Variants in UBE2H observed in about 807,000 individuals in gnomAD.
The protein encoded by UBE2H is ubiquitin-conjugating enzyme E2 H.
UBE2H carries 3 observed loss-of-function variants against 29.0 expected under a neutral mutation model. That is an observed-to-expected ratio of 0.10 (90% CI 0.05 to 0.27). UBE2H has a LOEUF of 0.27. Among genes scored for constraint, UBE2H ranks in the 10% least tolerant of loss-of-function variants. The pLI is 1.00. For missense variants in UBE2H, 68 were observed against 228.2 expected (o/e 0.30, Z 4.52); for synonymous variants, 69 against 82.9 (o/e 0.83, Z 0.91).
At chr7:129,853,162 T>C (rs1805641591) in intron 5 of UBE2H, among the ~76,000 whole-genome samples, 1 of 152,164 alleles carries the variant, frequency 6.6e-6, no homozygotes, top group Admixed American at 6.5e-5. Context: ...AGATTAAAGC[T>C]GTATCGCAGT....
intron 1 of UBE2H, among the ~76,000 whole-genome samples, chr7:129,914,922 T>C (rs1807013613): frequency 6.6e-6 from 1 of 152,164 alleles, no homozygotes; most frequent in Non-Finnish European, 1.5e-5. Flanking sequence ...CTGAGGAAGA[T>C]ATTTAAAGTG....
intron 3 of UBE2H, 41 bp downstream of exon 3, chr7:129,879,527 T>C (rs1563031886): frequency 1.3e-6 from 2 of 1,560,408 alleles, no homozygotes; most frequent in Non-Finnish European, 1.8e-6. Context: ...CCCCCTTAGA[T>C]TTCAAAACTC....
intron 1 of UBE2H, among the ~76,000 whole-genome samples, chr7:129,903,368 C>T (rs1015267016): frequency 1.3e-5 from 2 of 152,204 alleles, no homozygotes; most frequent in Non-Finnish European, 2.9e-5. Context: ...ACAGAAAACT[C>T]TCAATATAGC....
intron 3 of UBE2H, among the ~76,000 whole-genome samples, chr7:129,878,582 C>G (rs560767465): frequency 6.7e-6 from 1 of 148,380 alleles, no homozygotes; most frequent in African/African-American, 2.5e-5. Flanking sequence ...ACTCGGGAGG[C>G]TGAGGCAGAA....
chr7:129,916,933 A>G (rs1807055627), intron 1 of UBE2H, among the ~76,000 whole-genome samples: 1 of 151,022 alleles, frequency 6.6e-6, no homozygotes, highest in South Asian at 2.1e-4. Flanking sequence ...GCTACTCTGG[A>G]GGCTGAGGCA....
Position 129,865,980 on chromosome 7 carries a change from C to G in UBE2H, c.206-7039G>C, listed in dbSNP as rs188480176. 1.9e-3 allele frequency among the ~76,000 whole-genome samples: 285 copies of G among 152,262 alleles called. 3 individuals carry two copies. The Middle Eastern group carries it at 0.024, about 13-fold the overall frequency. ...TGCTGCCAGCTCCACTAGTGACAGACATTGGCCAGCTATGTGCAGGAGTCC... is the reference window on the plus strand; with the variant it reads ...TGCTGCCAGCTCCACTAGTGACAGAGATTGGCCAGCTATGTGCAGGAGTCC... On this transcript the variant is annotated intron_variant, in intron 3 of 6. Transcript: ENST00000355621.
intron 1 of UBE2H, among the ~76,000 whole-genome samples, chr7:129,941,187 G>A (rs558935840): frequency 1.3e-5 from 2 of 151,800 alleles, no homozygotes; most frequent in South Asian, 4.2e-4. Context: ...TCGAACTCCT[G>A]AGTTCAAGCA....
chr7:129,938,219 T>C (rs902303241), intron 1 of UBE2H, among the ~76,000 whole-genome samples: 1 of 151,836 alleles, frequency 6.6e-6, no homozygotes, highest in African/African-American at 2.4e-5. Flanking sequence ...AAGAACAGCC[T>C]GGGCAACATG....
At chr7:129,865,497 T>C (rs1438426033) in intron 3 of UBE2H, among the ~76,000 whole-genome samples, 1 of 152,196 alleles carries the variant, frequency 6.6e-6, no homozygotes, top group East Asian at 1.9e-4. Flanking sequence ...CTGTCAGAAT[T>C]ATCTTGACAA....
At chr7:129,935,901 T>A (rs1051613036) in intron 1 of UBE2H, among the ~76,000 whole-genome samples, 1 of 152,230 alleles carries the variant, frequency 6.6e-6, no homozygotes. Flanking sequence ...ATTAATGAAG[T>A]GTACAGTCAA....
intron 3 of UBE2H, among the ~76,000 whole-genome samples, chr7:129,859,413 T>C (rs1474672531): frequency 6.6e-6 from 1 of 152,178 alleles, no homozygotes; most frequent in Non-Finnish European, 1.5e-5. Flanking sequence ...ATGAAACTGT[T>C]GAAATGCTAA....
intron 3 of UBE2H, among the ~76,000 whole-genome samples, chr7:129,878,486 A>G (rs1440765794): frequency 6.6e-6 from 1 of 152,000 alleles, no homozygotes; most frequent in African/African-American, 2.4e-5. Flanking sequence ...GATCAAGACC[A>G]TCCTGGCTAA....
intron 6 of UBE2H, among the ~76,000 whole-genome samples, chr7:129,838,081 T>G (rs1310217379): frequency 6.6e-6 from 1 of 152,252 alleles, no homozygotes. Flanking sequence ...CAGCACTTTA[T>G]CTGGCTGAAA....
intron 1 of UBE2H, among the ~76,000 whole-genome samples, chr7:129,946,225 T>A (rs896642098): frequency 2.0e-5 from 3 of 151,764 alleles, no homozygotes; most frequent in African/African-American, 4.8e-5. Flanking sequence ...GCTAATTTTT[T>A]TTTTTTTGTA....
chr7:129,853,359 A>C (rs566419626), intron 5 of UBE2H, among the ~76,000 whole-genome samples: 18 of 152,200 alleles, frequency 1.2e-4, no homozygotes, highest in African/African-American at 4.1e-4. Context: ...CCTTGGCTAC[A>C]TTTTATGTTT....
chr7:129,914,171 AT>A (rs537238975), intron 1 of UBE2H, among the ~76,000 whole-genome samples: 9,330 of 144,814 alleles, frequency 0.064, 342 homozygotes, highest in Non-Finnish European at 0.094. Flanking sequence ...TCAAAAATCA[AT>A]TTTTTTTTTT....
At chr7:129,861,807 C>T (rs1302892725) in intron 3 of UBE2H, among the ~76,000 whole-genome samples, 1 of 152,040 alleles carries the variant, frequency 6.6e-6, no homozygotes, top group African/African-American at 2.4e-5. Flanking sequence ...AGGAGAATTG[C>T]TTGAACCTGG....
At chr7:129,848,845 T>TC (rs1241473858) in intron 5 of UBE2H, among the ~76,000 whole-genome samples, 2 of 151,402 alleles carry the variant, frequency 1.3e-5, no homozygotes, top group African/African-American at 2.4e-5. Context: ...GCTTTTTTTT[T>TC]TTTTTTTGGT....
At chr7:129,904,297 T>A (rs1392596984) in intron 1 of UBE2H, among the ~76,000 whole-genome samples, 1 of 151,962 alleles carries the variant, frequency 6.6e-6, no homozygotes, top group East Asian at 1.9e-4. Context: ...TTTTTTTTTT[T>A]AAATAGAGAT....
Sources: gnomAD v4.1 joint callset for allele counts (sites outside exome capture counted in the v4.1 genomes callset) on GRCh38, gnomAD v4.1.1 for gene constraint, MANE v1.5 for transcripts, NCBI Gene and HGNC (gene_info 2026-07-23, HGNC 2026-07-21) for gene names.